The following EPB41L4B variants were observed in gnomAD, a reference collection of about 807,000 sequenced individuals.
EPB41L4B encodes the protein erythrocyte membrane protein band 4.1 like 4B.
In EPB41L4B, 30 loss-of-function variants were observed where a neutral mutation model predicts 112.5. That is an observed-to-expected ratio of 0.27 (90% CI 0.20 to 0.36). The LOEUF is 0.36. Among genes scored for constraint, EPB41L4B ranks in the 10% least tolerant of loss-of-function variants. The pLI is 1.00. For missense variants in EPB41L4B, 1,024 were observed against 1,133.3 expected (o/e 0.90, Z 1.38); for synonymous variants, 408 against 439.7 (o/e 0.93, Z 0.90).
chr9:109,202,637 C>T (rs1220916053), intron 19 of EPB41L4B, among the ~76,000 whole-genome samples: 1 of 152,190 alleles, frequency 6.6e-6, no homozygotes, highest in Non-Finnish European at 1.5e-5. Context: ...AGTTCCTGTT[C>T]TCTGTGAGAT....
chr9:109,208,134 T>C (rs1833045881), intron 17 of EPB41L4B, 85 bp from the exon 18 acceptor site: 2 of 1,523,032 alleles, frequency 1.3e-6, no homozygotes, highest in Admixed American at 3.5e-5. Flanking sequence ...CATAACTGCA[T>C]ATAACACAGA....
chr9:109,301,751 C>A (rs146744764), intron 1 of EPB41L4B, among the ~76,000 whole-genome samples: 1 of 152,188 alleles, frequency 6.6e-6, no homozygotes, highest in East Asian at 1.9e-4. Context: ...AGCTACAACG[C>A]GTTGAGATAA....
At chr9:109,271,943 T>C (rs1430458053) in intron 2 of EPB41L4B, among the ~76,000 whole-genome samples, 1 of 152,200 alleles carries the variant, frequency 6.6e-6, no homozygotes, top group Non-Finnish European at 1.5e-5. Flanking sequence ...GTTCCAATAG[T>C]ACATCAATTC....
intron 20 of EPB41L4B, among the ~76,000 whole-genome samples, chr9:109,198,324 C>T (rs1054756823): frequency 2.0e-5 from 3 of 152,156 alleles, no homozygotes; most frequent in African/African-American, 7.2e-5. Flanking sequence ...GAAAGGGGAC[C>T]TCATCCTATG....
chr9:109,319,547 G>A (rs1338412050), intron 1 of EPB41L4B, among the ~76,000 whole-genome samples: 1 of 152,228 alleles, frequency 6.6e-6, no homozygotes, highest in Non-Finnish European at 1.5e-5. Flanking sequence ...TGGGGCTCAG[G>A]GAATGGGAAT....
intron 16 of EPB41L4B, among the ~76,000 whole-genome samples, chr9:109,216,663 G>T (rs201680893): frequency 1.7e-5 from 2 of 117,584 alleles, no homozygotes; most frequent in South Asian, 2.7e-4. Flanking sequence ...AAAAAAAAAA[G>T]AAAAGAAAAA....
chr9:109,309,455 G>C (rs550484959), intron 1 of EPB41L4B, among the ~76,000 whole-genome samples: 2 of 152,182 alleles, frequency 1.3e-5, no homozygotes, highest in African/African-American at 2.4e-5. Context: ...ATTCCACCGA[G>C]GTGACCTCAG....
At chr9:109,245,409 A>C (rs1352075131) in intron 14 of EPB41L4B, among the ~76,000 whole-genome samples, 1 of 152,248 alleles carries the variant, frequency 6.6e-6, no homozygotes, top group African/African-American at 2.4e-5. Flanking sequence ...TCCTCTGGCA[A>C]TTTATTCACA....
intron 18 of EPB41L4B, among the ~76,000 whole-genome samples, chr9:109,207,219 C>T (rs1833016701): frequency 6.6e-6 from 1 of 152,182 alleles, no homozygotes; most frequent in Non-Finnish European, 1.5e-5. Flanking sequence ...CCTGCAGTTG[C>T]TACCTCTGGT....
intron 15 of EPB41L4B, among the ~76,000 whole-genome samples, chr9:109,230,967 C>T (rs953617879): frequency 1.3e-5 from 2 of 151,966 alleles, no homozygotes; most frequent in African/African-American, 4.8e-5. Context: ...ACCAGCCTGG[C>T]CAACAATCAG....
chr9:109,240,152 C>CA (rs937792365), intron 15 of EPB41L4B: 81 of 977,452 alleles, frequency 8.3e-5, no homozygotes, highest in East Asian at 5.7e-4. Flanking sequence ...AAGATGGAGT[C>CA]AAAAAAAAAG....
chr9:109,310,508 T>A lies in EPB41L4B; in HGVS notation c.306+9633A>T, dbSNP rs1588238212. Among the ~76,000 whole-genome samples, 3 of 152,172 alleles carry A rather than the reference T, an allele frequency of 2.0e-5. No individual in the cohort carries two copies. In the East Asian group the frequency reaches 5.8e-4, roughly 29 times the overall value. On this transcript the variant is annotated intron_variant, in intron 1 of 25. Transcript: ENST00000374566. ...GAGAGTCTTTTGTATTTATATTTCA[T>A]CATTTAAAAATCTAAAGAATGTGCT...
In EPB41L4B at chr9:109,320,632, G is replaced by T; in HGVS notation, c.-186C>A. 1 of 158,418 alleles carries T rather than the reference G, an allele frequency of 6.3e-6. No homozygotes were observed. 9.8% of individuals were successfully genotyped at this position (158,418 alleles called of 1,614,324 possible). ...CGAGGCCGCGCTCTAGCCGCCTGCG[G>T]GGCGCGCCGGCCCGGCCAGCGCCGG... On this transcript the variant is annotated 5_prime_UTR_variant, in exon 1 of 26. Coordinates refer to ENST00000374566, the MANE Select transcript of EPB41L4B (RefSeq NM_019114.5).
intron 11 of EPB41L4B, among the ~76,000 whole-genome samples, chr9:109,253,861 A>C (rs1588174458): frequency 1.3e-5 from 2 of 152,332 alleles, no homozygotes; most frequent in Non-Finnish European, 1.5e-5. Flanking sequence ...TTTTCACATA[A>C]AATAACCTTT....
intron 1 of EPB41L4B, among the ~76,000 whole-genome samples, chr9:109,292,069 G>T (rs1836555903): frequency 6.6e-6 from 1 of 152,100 alleles, no homozygotes; most frequent in Non-Finnish European, 1.5e-5. Context: ...TGACCCCACT[G>T]GTCACATTCC....
At chr9:109,219,023 G>A (rs756391086) in intron 15 of EPB41L4B, among the ~76,000 whole-genome samples, 1 of 152,212 alleles carries the variant, frequency 6.6e-6, no homozygotes, top group Non-Finnish European at 1.5e-5. Flanking sequence ...CCTGGGGGAA[G>A]GTGTTTGTAA....
chr9:109,289,022 T>C (rs1288487731), intron 1 of EPB41L4B, among the ~76,000 whole-genome samples: 1 of 152,106 alleles, frequency 6.6e-6, no homozygotes, highest in East Asian at 1.9e-4. Context: ...CCCTAGTGGG[T>C]CCCTCCTGAC....
chr9:109,281,401 A>G (rs1836032090), intron 1 of EPB41L4B, among the ~76,000 whole-genome samples: 1 of 152,214 alleles, frequency 6.6e-6, no homozygotes, highest in African/African-American at 2.4e-5. Flanking sequence ...CACACTCACT[A>G]GGATGGCTGT....
chr9:109,192,983 C>A (rs550825197), intron 21 of EPB41L4B, among the ~76,000 whole-genome samples: 14 of 152,270 alleles, frequency 9.2e-5, no homozygotes, highest in African/African-American at 2.9e-4. Flanking sequence ...CTCCACGCCA[C>A]CCCAACCCCC....
Sources: gnomAD v4.1 joint callset for allele counts (sites outside exome capture counted in the v4.1 genomes callset) on GRCh38, gnomAD v4.1.1 for gene constraint, MANE v1.5 for transcripts, NCBI Gene and HGNC (gene_info 2026-07-23, HGNC 2026-07-21) for gene names.